The following SLC44A1 variants were observed in gnomAD, a reference collection of about 807,000 sequenced individuals.
SLC44A1 encodes the protein choline transporter-like protein 1.
A neutral mutation model predicts 79.3 loss-of-function variants in SLC44A1; 26 were observed. The observed-to-expected ratio is 0.33, with a 90% CI of 0.24 to 0.46. SLC44A1 has a LOEUF of 0.46. SLC44A1 is among the 20% of genes least tolerant of loss of function. The probability of loss-of-function intolerance (pLI) is 1.00; values close to 1 mark genes in which losing one functional copy is unlikely to be tolerated. For synonymous variants in SLC44A1, 263 were observed against 286.2 expected (o/e 0.92, Z 0.82); for missense variants, 688 against 798.1 (o/e 0.86, Z 1.66).
chr9:105,424,964 A>AAAG (rs199543321), intron 15 of SLC44A1, among the ~76,000 whole-genome samples: 8,372 of 147,970 alleles, frequency 0.057, 914 homozygotes, highest in African/African-American at 0.21. Flanking sequence ...AAAAAAAAAG[A>AAAG]AAAGAAAGAA....
At chr9:105,409,264 T>C (rs1000032705) in intron 15 of SLC44A1, among the ~76,000 whole-genome samples, 9 of 152,098 alleles carry the variant, frequency 5.9e-5, no homozygotes, top group African/African-American at 1.9e-4. Context: ...ATGCAAATAG[T>C]CATCAAAAGA....
In SLC44A1 at chr9:105,316,249, A is replaced by G. The variant is rs554519879; in HGVS notation, c.269+6383A>G. 1.8e-4 allele frequency among the ~76,000 whole-genome samples: 28 copies of G among 152,282 alleles called. No homozygotes were observed. In the East Asian group the frequency reaches 2.9e-3, roughly 16 times the overall value. ...TTGAAGAGAGAGGTGTAAGGGTATG[A>G]GAGGTTATAATGGGAAGGCCATGAG... On this transcript the variant is annotated intron_variant, in intron 3 of 15. Transcript: ENST00000374720.
chr9:105,266,231 T>A (rs1371569863), intron 1 of SLC44A1, among the ~76,000 whole-genome samples: 1 of 152,190 alleles, frequency 6.6e-6, no homozygotes, highest in African/African-American at 2.4e-5. Context: ...CCTCTCAAAG[T>A]GCTGAGATTA....
chr9:105,282,737 C>T (rs1475790171), intron 1 of SLC44A1, among the ~76,000 whole-genome samples: 2 of 151,878 alleles, frequency 1.3e-5, no homozygotes, highest in Admixed American at 6.6e-5. Context: ...TTAGTAGAGA[C>T]GGGGTTTCAC....
intron 4 of SLC44A1, among the ~76,000 whole-genome samples, chr9:105,342,200 T>TA: frequency 6.6e-6 from 1 of 152,344 alleles, no homozygotes. Flanking sequence ...TGAAAATATT[T>TA]AATGGAAAAT....
At chr9:105,337,630 G>A (rs539682452) in intron 4 of SLC44A1, among the ~76,000 whole-genome samples, 2 of 152,236 alleles carry the variant, frequency 1.3e-5, no homozygotes, top group East Asian at 3.9e-4. Context: ...ATAAAAGTCT[G>A]TATGTCTTAT....
At chr9:105,315,364 A>T (rs1831294866) in intron 3 of SLC44A1, among the ~76,000 whole-genome samples, 1 of 151,764 alleles carries the variant, frequency 6.6e-6, no homozygotes, top group Non-Finnish European at 1.5e-5. Flanking sequence ...AAGTAAGATA[A>T]TTGATTGTTT....
chr9:105,299,352 C>G (rs371122218), intron 2 of SLC44A1, 43 bp downstream of exon 2: 161 of 1,352,532 alleles, frequency 1.2e-4, no homozygotes, highest in Non-Finnish European at 1.1e-4. Context: ...ACTCATGATC[C>G]AAGGGAATGA....
At chr9:105,333,113 G>A (rs910494620) in intron 3 of SLC44A1, among the ~76,000 whole-genome samples, 15 of 152,178 alleles carry the variant, frequency 9.9e-5, no homozygotes, top group Non-Finnish European at 1.3e-4. Flanking sequence ...TATAAAAGAA[G>A]TTAGAAATAT....
At chr9:105,411,791 A>G (rs1467711745) in intron 15 of SLC44A1, among the ~76,000 whole-genome samples, 1 of 152,196 alleles carries the variant, frequency 6.6e-6, no homozygotes, top group Non-Finnish European at 1.5e-5. Flanking sequence ...CACAGAAGGC[A>G]TAACTGTGTC....
At chr9:105,377,952 A>ACTAGATC (rs1226636406) in intron 13 of SLC44A1, among the ~76,000 whole-genome samples, 6 of 152,082 alleles carry the variant, frequency 3.9e-5, no homozygotes, top group African/African-American at 1.4e-4. Context: ...CATAGAATTT[A>ACTAGATC]AAATCTAGTA....
chr9:105,245,786 A>G (rs1449851807), intron 1 of SLC44A1, among the ~76,000 whole-genome samples: 1 of 152,090 alleles, frequency 6.6e-6, no homozygotes, highest in East Asian at 1.9e-4. Context: ...AATTTCGCCA[A>G]CCTCCTTCTC....
intron 15 of SLC44A1, among the ~76,000 whole-genome samples, chr9:105,404,980 A>T (rs1829010071): frequency 6.6e-6 from 1 of 152,212 alleles, no homozygotes; most frequent in Admixed American, 6.5e-5. Context: ...CAAGAATATA[A>T]AAGTGAACAG....
intron 4 of SLC44A1, among the ~76,000 whole-genome samples, chr9:105,338,364 T>C (rs566085533): frequency 1.3e-5 from 2 of 152,338 alleles, no homozygotes; most frequent in Admixed American, 1.3e-4. Flanking sequence ...ATTTCTCTGC[T>C]TTTTGCATTA....
At chr9:105,324,577 G>A (rs1329991436) in intron 3 of SLC44A1, among the ~76,000 whole-genome samples, 2 of 152,010 alleles carry the variant, frequency 1.3e-5, no homozygotes, top group African/African-American at 4.8e-5. Flanking sequence ...TTACTCTACT[G>A]TCATCCTTGC....
At position 105,255,093 on chromosome 9, in the gene SLC44A1, G is replaced by GTTTTTT. The variant is rs1168193382; in HGVS notation, c.36+10191_36+10196dup. On this transcript the variant is annotated intron_variant, in intron 1 of 15. Coordinates refer to ENST00000374720, the MANE Select transcript of SLC44A1 (RefSeq NM_080546.5). ...TTTGTTTTAACCTGCTTACTTTCAG[G>GTTTTTT]TTTTTTTGTTTTTTTTTTTTTTTAA... Among the ~76,000 whole-genome samples, 9 of 141,862 alleles carry GTTTTTT rather than the reference G, an allele frequency of 6.3e-5. 1 individual carries two copies. The highest frequency in any genetic ancestry group is 2.4e-4 in the African/African-American group (9 of 36,850). The allele number at this position is 141,862 out of a possible 152,430, so 93.1% of individuals were successfully genotyped here.
chr9:105,410,888 T>C (rs1277798243), intron 15 of SLC44A1, among the ~76,000 whole-genome samples: 1 of 152,096 alleles, frequency 6.6e-6, no homozygotes, highest in Admixed American at 6.6e-5. Flanking sequence ...TGCAACAACA[T>C]GGATGAACCT....
At chr9:105,247,707 C>T (rs558502576) in intron 1 of SLC44A1, among the ~76,000 whole-genome samples, 3 of 152,322 alleles carry the variant, frequency 2.0e-5, no homozygotes, top group Non-Finnish European at 4.4e-5. Context: ...TGTGTATCTA[C>T]TGCAGTGCCT....
intron 1 of SLC44A1, among the ~76,000 whole-genome samples, chr9:105,283,748 C>T (rs1830412471): frequency 6.6e-6 from 1 of 152,120 alleles, no homozygotes; most frequent in Non-Finnish European, 1.5e-5. Context: ...CTCATTCCAC[C>T]TTATGAGATA....
Sources: gnomAD v4.1 joint callset for allele counts (sites outside exome capture counted in the v4.1 genomes callset) on GRCh38, gnomAD v4.1.1 for gene constraint, MANE v1.5 for transcripts, NCBI Gene and HGNC (gene_info 2026-07-23, HGNC 2026-07-21) for gene names.